HSPA6: variants seen among roughly 807,000 people sequenced by gnomAD.
The protein encoded by HSPA6 is heat shock protein family A (Hsp70) member 6.
For missense variants in HSPA6, 718 were observed against 860.9 expected (o/e 0.83, Z 2.08); for synonymous variants, 312 against 368.2 (o/e 0.85, Z 1.75).
rs1261485914 is a variant in HSPA6 at position 161,524,839 on chromosome 1, G to A, written c.181G>A (p.Ala61Thr). The change falls in exon 1 of 1, where the codon GCG becomes ACG. Residue 61 changes from alanine (A) to threonine (T), a missense_variant. By Grantham distance (58) the Ala-to-Thr change is moderately conservative. Coordinates refer to ENST00000309758, the MANE Select transcript of HSPA6 (RefSeq NM_002155.5). ...GGTCGGGGACGCGGCCAAGAGCCAG[G>A]CGGCCCTGAACCCCCACAACACCGT... ...RLVGDAAKSQ[A>T]ALNPHNTVFD... The A allele has an allele frequency of 6.2e-7, 1 of 1,609,038 alleles. No individual in the cohort carries two copies. Among genetic ancestry groups the A allele is most frequent in the East Asian group, 2.2e-5 (1 of 44,788 alleles).
rs752767314 is a variant in HSPA6 at position 161,526,079 on chromosome 1, C to G, written c.1421C>G (p.Pro474Arg). Residue 474 changes from proline to arginine, a missense_variant, in exon 1 of 1, where the codon CCC becomes CGC. Pro to Arg is a moderately radical substitution (Grantham distance 103). Coordinates refer to ENST00000309758, the MANE Select transcript of HSPA6 (RefSeq NM_002155.5). ...SGIPPAPRGV[P>R]QIEVTFDIDA... ...ATCCCTCCTGCCCCACGTGGAGTCC[C>G]CCAGATAGAGGTGACTTTTGACATT... 2 of 1,613,832 alleles carry G rather than the reference C, an allele frequency of 1.2e-6. No individual in the cohort carries two copies. The highest frequency in any genetic ancestry group is 1.1e-5 in the South Asian group (1 of 91,034).
chr1:161,525,012 C>G lies in HSPA6; in HGVS notation c.354C>G (p.Pro118=), dbSNP rs776389168. 4.3e-6 allele frequency: 7 copies of G among 1,612,670 alleles called. No homozygotes were observed. The highest frequency in any genetic ancestry group is 3.3e-5 in the South Asian group (3 of 90,952). ...CYRGEDKTFY[P]EEISSMVLSK... ...GCGGGGAGGACAAGACGTTCTACCC[C>G]GAGGAGATCTCGTCCATGGTGCTGA... Residue 118 remains proline, a synonymous_variant, in exon 1 of 1, where the codon CCC becomes CCG. Transcript: ENST00000309758.
chr1:161,526,111 A>G lies in HSPA6; in HGVS notation c.1453A>G (p.Asn485Asp), dbSNP rs1372506877. ...AGAGGTGACTTTTGACATTGATGCT[A>G]ATGGCATCCTGAGCGTGACAGCCAC... ...QIEVTFDIDA[N>D]GILSVTATDR... Residue 485 changes from asparagine to aspartate, a missense_variant, in exon 1 of 1, where the codon AAT (asparagine) becomes GAT (aspartate). Asn to Asp is a conservative substitution (Grantham distance 23, BLOSUM62 1). Coordinates refer to ENST00000309758, the MANE Select transcript of HSPA6 (RefSeq NM_002155.5). The G allele has an allele frequency of 6.2e-7, 1 of 1,613,792 alleles. No homozygotes were observed. The highest frequency in any genetic ancestry group is 1.7e-5 in the Admixed American group (1 of 59,984).
chr1:161,526,343 A>C lies in HSPA6; in HGVS notation c.1685A>C (p.Asp562Ala). The C allele has an allele frequency of 6.2e-7, 1 of 1,604,792 alleles. No individual in the cohort carries two copies. Among genetic ancestry groups the C allele is most frequent in the Non-Finnish European group, 8.5e-7 (1 of 1,175,058 alleles). Residue 562 changes from aspartate (D) to alanine (A), a missense_variant, in exon 1 of 1, where the codon GAC (aspartate) becomes GCC (alanine). Coordinates refer to ENST00000309758, the MANE Select transcript of HSPA6 (RefSeq NM_002155.5). ...TCTTTGCAAGAGGAAAGCCTTAGGG[A>C]CAAGATTCCCGAAGAGGACAGGCGC... Reference protein sequence around the residue: ...KGSLQEESLRDKIPEEDRRKM... With the variant: ...KGSLQEESLRAKIPEEDRRKM...
rs745597378 is a variant in HSPA6 at position 161,526,564 on chromosome 1, G to A, written c.1906G>A (p.Gly636Ser). Residue 636 changes from glycine (G) to serine (S), a missense_variant, in exon 1 of 1, where the codon GGC becomes AGC. By Grantham distance (56) the Gly-to-Ser change is moderately conservative (BLOSUM62 0). Coordinates refer to ENST00000309758, the MANE Select transcript of HSPA6 (RefSeq NM_002155.5). ...TQARQGDPST[G>S]PIIEEVD ...AGCCCGCCAGGGGGACCCCAGCACC[G>A]GCCCCATCATTGAGGAGGTTGATTG... 11 of 1,557,212 alleles carry A rather than the reference G, an allele frequency of 7.1e-6. 1 individual carries two copies. Among genetic ancestry groups the A allele is most frequent in the Middle Eastern group, 2.1e-4 (1 of 4,738 alleles).
chr1:161,526,876 A>C lies in HSPA6; in HGVS notation c.*286A>C. The C allele has an allele frequency of 3.0e-6, 1 of 331,930 alleles. No homozygotes were observed. The allele number at this position is 331,930 out of a possible 1,614,324, so 20.6% of individuals were successfully genotyped here. ...GCATGTATGAATTTTGTTATGTAAA[A>C]TATAGTTATAGACCTAAATAAGCTT... On this transcript the variant is annotated 3_prime_UTR_variant, in exon 1 of 1. Coordinates refer to ENST00000309758, the MANE Select transcript of HSPA6 (RefSeq NM_002155.5).
rs1676703465 is a variant in HSPA6 at position 161,526,420 on chromosome 1, C to G, written c.1762C>G (p.Leu588Val). ...CCTTGCCTGGCTGGAGCACAACCAGCTGGCAGAGAAGGAGGAGTATGAGCA... is the reference window on the plus strand; with the variant it reads ...CCTTGCCTGGCTGGAGCACAACCAGGTGGCAGAGAAGGAGGAGTATGAGCA... ...EVLAWLEHNQ[L>V]AEKEEYEHQK... The change falls in exon 1 of 1, where the codon CTG becomes GTG. Residue 588 changes from leucine to valine, a missense_variant. By Grantham distance (32) the Leu-to-Val change is conservative. Transcript: ENST00000309758. 12 of 1,589,700 alleles carry G rather than the reference C, an allele frequency of 7.5e-6. No homozygotes were observed. Among genetic ancestry groups the G allele is most frequent in the African/African-American group, 1.3e-5 (1 of 74,466 alleles).
rs370499932 is a variant in HSPA6 at position 161,526,165 on chromosome 1, A to T, written c.1507A>T (p.Ile503Phe). ...CAGGAGCACAGGTAAGGCTAACAAG[A>T]TCACCATCACCAATGACAAGGGCCG... ...TDRSTGKANK[I>F]TITNDKGRLS... Residue 503 changes from isoleucine to phenylalanine, a missense_variant, in exon 1 of 1, where the codon ATC becomes TTC. Ile to Phe is a conservative substitution (Grantham distance 21). Transcript: ENST00000309758. The T allele has an allele frequency of 4.3e-6, 7 of 1,613,784 alleles. No individual in the cohort carries two copies. Among genetic ancestry groups the T allele is most frequent in the Non-Finnish European group, 5.9e-6 (7 of 1,179,898 alleles).
chr1:161,524,952 C>G lies in HSPA6; in HGVS notation c.294C>G (p.Ser98Arg), dbSNP rs199752876. ...AGCACTGGCCCTTCCGGGTGGTGAG[C>G]GAGGGCGGCAAGCCCAAGGTGCGCG... ...DMKHWPFRVV[S>R]EGGKPKVRVC... The change falls in exon 1 of 1, where the codon AGC becomes AGG. Residue 98 changes from serine to arginine, a missense_variant. Physicochemically the swap from Ser to Arg is moderately radical, Grantham distance 110. Coordinates refer to ENST00000309758, the MANE Select transcript of HSPA6 (RefSeq NM_002155.5). The G allele has an allele frequency of 2.5e-6, 4 of 1,613,594 alleles. No homozygotes were observed. Among genetic ancestry groups the G allele is most frequent in the Non-Finnish European group, 2.5e-6 (3 of 1,179,934 alleles).
At position 161,526,568 on chromosome 1, in the gene HSPA6, C is replaced by T. The variant is rs771849888; in HGVS notation, c.1910C>T (p.Pro637Leu). 1.3e-6 allele frequency: 2 copies of T among 1,552,148 alleles called. No homozygotes were observed. The highest frequency in any genetic ancestry group is 1.4e-5 in the African/African-American group (1 of 72,860). ...QARQGDPSTG[P>L]IIEEVD ...CGCCAGGGGGACCCCAGCACCGGCC[C>T]CATCATTGAGGAGGTTGATTGAATG... Residue 637 changes from proline to leucine, a missense_variant, in exon 1 of 1, where the codon CCC becomes CTC. Coordinates refer to ENST00000309758, the MANE Select transcript of HSPA6 (RefSeq NM_002155.5).
Position 161,524,886 on chromosome 1 carries a change from C to A in HSPA6, c.228C>A (p.Ile76=), listed in dbSNP as rs267598135. ...HNTVFDAKRL[I]GRKFADTTVQ... ...CCGTGTTCGATGCCAAGCGGCTGATCGGGCGCAAGTTCGCGGACACCACGG... is the reference window on the plus strand; with the variant it reads ...CCGTGTTCGATGCCAAGCGGCTGATAGGGCGCAAGTTCGCGGACACCACGG... The change falls in exon 1 of 1, where the codon ATC becomes ATA. Residue 76 remains isoleucine (I), a synonymous_variant. Transcript: ENST00000309758. 6 of 1,612,892 alleles carry A rather than the reference C, an allele frequency of 3.7e-6. No individual in the cohort carries two copies. The highest frequency in any genetic ancestry group is 5.1e-6 in the Non-Finnish European group (6 of 1,179,756).
chr1:161,525,077 C>T lies in HSPA6; in HGVS notation c.419C>T (p.Pro140Leu). The T allele has an allele frequency of 6.2e-7, 1 of 1,613,378 alleles. No homozygotes were observed. Among genetic ancestry groups the T allele is most frequent in the African/African-American group, 1.3e-5 (1 of 74,942 alleles). The change falls in exon 1 of 1, where the codon CCC (proline) becomes CTC (leucine). Residue 140 changes from proline (P) to leucine (L), a missense_variant. Coordinates refer to ENST00000309758, the MANE Select transcript of HSPA6 (RefSeq NM_002155.5). Reference protein sequence around the residue: ...KETAEAYLGQPVKHAVITVPA... With the variant: ...KETAEAYLGQLVKHAVITVPA... ...ACGGCCGAGGCGTACCTGGGCCAGC[C>T]CGTGAAGCACGCAGTGATCACCGTG...
rs1676697380 is a variant in HSPA6 at position 161,526,268 on chromosome 1, G to C, written c.1610G>C (p.Arg537Thr). The C allele has an allele frequency of 1.2e-6, 2 of 1,613,394 alleles. No homozygotes were observed. Among genetic ancestry groups the C allele is most frequent in the Non-Finnish European group, 1.7e-6 (2 of 1,179,604 alleles). Residue 537 changes from arginine (R) to threonine (T), a missense_variant, in exon 1 of 1, where the codon AGA becomes ACA. Transcript: ENST00000309758. Reference protein sequence around the residue: ...YKAEDEAQRDRVAAKNSLEAH... With the variant: ...YKAEDEAQRDTVAAKNSLEAH... ...GCTGAGGATGAGGCCCAGAGGGACAGAGTGGCTGCCAAAAACTCGCTGGAG... is the reference window on the plus strand; with the variant it reads ...GCTGAGGATGAGGCCCAGAGGGACACAGTGGCTGCCAAAAACTCGCTGGAG...
chr1:161,526,521 C>A lies in HSPA6; in HGVS notation c.1863C>A (p.Gly621=), dbSNP rs753440430. The change falls in exon 1 of 1, where the codon GGC becomes GGA. Residue 621 remains glycine, a synonymous_variant. Coordinates refer to ENST00000309758, the MANE Select transcript of HSPA6 (RefSeq NM_002155.5). ...ATGGGGGGCCTGGTGTCCCTGGGGG[C>A]AGCAGTTGTGGCACTCAAGCCCGCC... The part of the protein sequence containing the change: ...RLYGGPGVPG[G]SSCGTQARQG... 1.4e-5 allele frequency: 22 copies of A among 1,600,078 alleles called. No homozygotes were observed. The African/African-American group carries it at 2.7e-4, about 19-fold the overall frequency.
At position 161,526,726 on chromosome 1, in the gene HSPA6, CTT is replaced by C; in HGVS notation, c.*139_*140del. The C allele has an allele frequency of 1.0e-6, 1 of 969,590 alleles. No individual in the cohort carries two copies. Among genetic ancestry groups the C allele is most frequent in the Non-Finnish European group, 1.4e-6 (1 of 697,990 alleles). The allele number at this position is 969,590 out of a possible 1,614,324, so 60.1% of individuals were successfully genotyped here. On this transcript the variant is annotated 3_prime_UTR_variant, in exon 1 of 1. Transcript: ENST00000309758. The stretch of plus-strand genomic sequence containing the variant: ...ACTTTCTTCCCAGGATAACTGAAGT[CTT>C]TTGACTTTTTGCGGGGAGGGCGGTT...
chr1:161,525,118 G>A lies in HSPA6; in HGVS notation c.460G>A (p.Asp154Asn), dbSNP rs10919226. The A allele has an allele frequency of 1.6e-3, 2,597 of 1,613,232 alleles. 47 individuals are homozygous for A. In the African/African-American group the frequency reaches 0.03, roughly 18 times the overall value. Residue 154 changes from aspartate to asparagine, a missense_variant, in exon 1 of 1, where the codon GAC (aspartate) becomes AAC (asparagine). Transcript: ENST00000309758. ...AVITVPAYFN[D>N]SQRQATKDAG... is the part of the protein sequence containing the mutation. ...GATCACCGTGCCCGCCTATTTCAAT[G>A]ACTCGCAGCGCCAGGCCACCAAGGA... is the stretch of plus-strand genomic sequence containing the variant.
rs1200061206 is a variant in HSPA6, at chr1:161,526,668, C to G, written c.*78C>G. ...TCTAGACTGTCTTCTATGATCCTGC[C>G]CTTCAGAGATGAACTTTCCCTCCAA... On this transcript the variant is annotated 3_prime_UTR_variant, in exon 1 of 1. Coordinates refer to ENST00000309758, the MANE Select transcript of HSPA6 (RefSeq NM_002155.5). The G allele has an allele frequency of 1.5e-6, 2 of 1,362,358 alleles. No individual in the cohort carries two copies. Among genetic ancestry groups the G allele is most frequent in the African/African-American group, 2.9e-5 (2 of 68,770 alleles). 84.4% of individuals were successfully genotyped at this position (1,362,358 alleles called of 1,614,324 possible). A position where few individuals can be genotyped will look rare whatever the true frequency, so the allele number is the denominator to read the frequency against.
In HSPA6 at chr1:161,525,275, C is replaced by T. The variant is rs149827217; in HGVS notation, c.617C>T (p.Thr206Ile). The change falls in exon 1 of 1, where the codon ACC becomes ATC. Residue 206 changes from threonine to isoleucine, a missense_variant. Thr to Ile is a moderately conservative substitution (Grantham distance 89). Transcript: ENST00000309758. ...NVLIFDLGGG[T>I]FDVSVLSIDA... The stretch of plus-strand genomic sequence containing the variant: ...CTCATTTTTGACCTGGGTGGGGGCA[C>T]CTTCGATGTGTCGGTTCTCTCCATT... 447 of 1,614,040 alleles carry T rather than the reference C, an allele frequency of 2.8e-4. 3 individuals carry two copies. Among genetic ancestry groups the T allele is most frequent in the Middle Eastern group, 2.0e-3 (12 of 6,062 alleles).
rs1394377522 is a variant in HSPA6 at position 161,525,670 on chromosome 1, C to T, written c.1012C>T (p.Leu338=). ...LDKAQIHDVV[L]VGGSTRIPKV... ...CAAGGCCCAGATTCATGACGTCGTC[C>T]TGGTGGGGGGCTCCACACGCATCCC... Residue 338 remains leucine (L), a synonymous_variant, in exon 1 of 1, where the codon CTG becomes TTG. Transcript: ENST00000309758. 4 of 1,613,874 alleles carry T rather than the reference C, an allele frequency of 2.5e-6. No individual in the cohort carries two copies. In the East Asian group the frequency reaches 8.9e-5, roughly 36 times the overall value.
Sources: allele counts gnomAD v4.1 joint callset, GRCh38; gene constraint gnomAD v4.1.1; transcripts MANE v1.5; gene names NCBI Gene and HGNC (gene_info 2026-07-23, HGNC 2026-07-21).